Variants in DCDC2 observed in about 807,000 individuals in gnomAD.
DCDC2 encodes doublecortin domain-containing protein 2.
A neutral mutation model predicts 50.2 loss-of-function variants in DCDC2; 40 were observed. The ratio of observed to expected loss-of-function variants is 0.80; its 90% CI spans 0.62 to 1.04. DCDC2 has a LOEUF of 1.04. DCDC2 is among the 50% of genes least tolerant of loss of function. DCDC2 has a pLI of 0.00. For synonymous variants in DCDC2, 234 were observed against 210.6 expected (o/e 1.11, Z -0.96); for missense variants, 570 against 581.9 (o/e 0.98, Z 0.21).
chr6:24,289,497 A>T, intron 5 of DCDC2, among the ~76,000 whole-genome samples: 1 of 152,178 alleles, frequency 6.6e-6, no homozygotes, highest in East Asian at 1.9e-4. Flanking sequence ...CACATATATA[A>T]AAAAAATTCT....
intron 2 of DCDC2, among the ~76,000 whole-genome samples, chr6:24,313,772 G>A (rs1014116444): frequency 6.6e-6 from 1 of 152,182 alleles, no homozygotes; most frequent in African/African-American, 2.4e-5. Context: ...ACCAACAGAT[G>A]GCAAGAAAAG....
intron 8 of DCDC2, among the ~76,000 whole-genome samples, chr6:24,198,028 A>C (rs1761484610): frequency 6.6e-6 from 1 of 152,314 alleles, no homozygotes; most frequent in African/African-American, 2.4e-5. Flanking sequence ...ATACTCACAC[A>C]CACACACAAC....
At chr6:24,283,496 C>G (rs1763523207) in intron 6 of DCDC2, among the ~76,000 whole-genome samples, 1 of 151,748 alleles carries the variant, frequency 6.6e-6, no homozygotes, top group Admixed American at 6.6e-5. Flanking sequence ...TGCAAAAGAG[C>G]AATTCCTAGA....
intron 7 of DCDC2, among the ~76,000 whole-genome samples, chr6:24,260,841 T>C (rs529657716): frequency 6.6e-6 from 1 of 152,352 alleles, no homozygotes; most frequent in South Asian, 2.1e-4. Context: ...ATGGTTCAAG[T>C]TTTTGTCCTG....
chr6:24,220,873 A>AGAGACAGAGAGCGAGAGCGAGAGAGT (rs1182236876), intron 7 of DCDC2, among the ~76,000 whole-genome samples: 1 of 143,670 alleles, frequency 7.0e-6, no homozygotes, highest in Non-Finnish European at 1.6e-5. Flanking sequence ...AGAGAGCAAG[A>AGAGACAGAGAGCGAGAGCGAGAGAGT]GAGCGAGAGC....
intron 7 of DCDC2, among the ~76,000 whole-genome samples, chr6:24,237,632 C>T (rs1371407846): frequency 1.3e-5 from 2 of 152,124 alleles, no homozygotes; most frequent in East Asian, 3.8e-4. Flanking sequence ...ATGTTCATTG[C>T]AGGACTATTC....
At chr6:24,324,033 G>C (rs1282834860) in intron 2 of DCDC2, among the ~76,000 whole-genome samples, 2 of 152,132 alleles carry the variant, frequency 1.3e-5, no homozygotes, top group Non-Finnish European at 2.9e-5. Context: ...TATTAGCTCA[G>C]AACAGTGAGA....
At chr6:24,379,252 A>C in the DCDC2 span, among the ~76,000 whole-genome samples, 1 of 152,200 alleles carries the variant, frequency 6.6e-6, no homozygotes, top group African/African-American at 2.4e-5. Context: ...GTGAACAGGC[A>C]ACCTACAGAA....
At chr6:24,284,783 G>A (rs1029932286) in intron 6 of DCDC2, among the ~76,000 whole-genome samples, 6 of 151,862 alleles carry the variant, frequency 4.0e-5, no homozygotes, top group African/African-American at 1.5e-4. Flanking sequence ...CTCCTCACAT[G>A]CCAGGCTCTT....
chr6:24,296,497 G>T (rs1436869472), intron 4 of DCDC2, among the ~76,000 whole-genome samples: 4 of 152,138 alleles, frequency 2.6e-5, no homozygotes, highest in African/African-American at 9.7e-5. Context: ...AAGAGCTTCT[G>T]CACATCAAAA....
chr6:24,240,196 G>A (rs960479763), intron 7 of DCDC2, among the ~76,000 whole-genome samples: 2 of 152,044 alleles, frequency 1.3e-5, no homozygotes, highest in Non-Finnish European at 2.9e-5. Flanking sequence ...TCTACAATAG[G>A]TACCAGCTGA....
intron 7 of DCDC2, among the ~76,000 whole-genome samples, chr6:24,245,695 C>T (rs192188953): frequency 2.6e-5 from 4 of 152,024 alleles, no homozygotes; most frequent in Non-Finnish European, 5.9e-5. Context: ...GCAGACACAA[C>T]AAAGAGAATT....
At chr6:24,251,159 T>G (rs181083307) in intron 7 of DCDC2, among the ~76,000 whole-genome samples, 1 of 152,204 alleles carries the variant, frequency 6.6e-6, no homozygotes, top group African/African-American at 2.4e-5. Context: ...CCAATAGCAC[T>G]GGCTAATTGG....
At chr6:24,277,870 C>T (rs929608021) in intron 7 of DCDC2, among the ~76,000 whole-genome samples, 179 bp downstream of exon 7, 1 of 152,168 alleles carries the variant, frequency 6.6e-6, no homozygotes, top group African/African-American at 2.4e-5. Flanking sequence ...GGCACAACAT[C>T]TAATTACAAA....
the DCDC2 span, among the ~76,000 whole-genome samples, chr6:24,374,173 A>C: frequency 6.6e-6 from 1 of 151,834 alleles, no homozygotes; most frequent in South Asian, 2.1e-4. Flanking sequence ...AAAAAAAAAA[A>C]AAAAAGGAAG....
chr6:24,234,513 G>A (rs571389635), intron 7 of DCDC2, among the ~76,000 whole-genome samples: 2 of 152,238 alleles, frequency 1.3e-5, no homozygotes, highest in South Asian at 4.1e-4. Flanking sequence ...AAGGGCACCT[G>A]TTAGGAGGTT....
At chr6:24,376,465 G>A in the DCDC2 span, among the ~76,000 whole-genome samples, 252 of 152,232 alleles carry the variant, frequency 1.7e-3, no homozygotes, top group African/African-American at 5.4e-3. Context: ...TTGGCTGCAC[G>A]AGCAGTAGAG....
intron 2 of DCDC2, among the ~76,000 whole-genome samples, chr6:24,308,236 T>C (rs1458384618): frequency 6.6e-6 from 1 of 152,266 alleles, no homozygotes; most frequent in Non-Finnish European, 1.5e-5. Flanking sequence ...AGCTAATAGC[T>C]GGACTAATTG....
chr6:24,210,036 GTGTGTGTGTGTGTGTGTGTC>G (rs1026455274), intron 7 of DCDC2, among the ~76,000 whole-genome samples: 42 of 144,966 alleles, frequency 2.9e-4, no homozygotes, highest in African/African-American at 1.2e-3. Flanking sequence ...GTGTGTGTGT[GTGTGTGTGTGTGTGTGTGTC>G]TGTCTGTCTG....
Sources: gnomAD v4.1 joint callset for allele counts (sites outside exome capture counted in the v4.1 genomes callset) on GRCh38, gnomAD v4.1.1 for gene constraint, MANE v1.5 for transcripts, NCBI Gene and HGNC (gene_info 2026-07-23, HGNC 2026-07-21) for gene names.